SLC37A1: variants seen among roughly 807,000 people sequenced by gnomAD.
The protein encoded by SLC37A1 is glucose-6-phosphate exchanger SLC37A1.
Under a neutral mutation model 75.3 loss-of-function variants are expected in SLC37A1, and 49 were observed. The ratio of observed to expected loss-of-function variants is 0.65; its 90% CI spans 0.52 to 0.83. SLC37A1 has a LOEUF of 0.83. Among genes scored for constraint, SLC37A1 ranks in the 40% least tolerant of loss-of-function variants. The pLI is 0.00. For missense variants in SLC37A1, 566 were observed against 695.0 expected (o/e 0.81, Z 2.09); for synonymous variants, 268 against 292.1 (o/e 0.92, Z 0.84).
chr21:42,562,122 C>T lies in SLC37A1; in HGVS notation c.1026C>T (p.Val342=). 6.2e-7 allele frequency: 1 copy of T among 1,614,212 alleles called. No homozygotes were observed. Among genetic ancestry groups the T allele is most frequent in the African/African-American group, 1.3e-5 (1 of 75,048 alleles). ...FSLCLLFAKL[V]SYTFLFWLPL... ...TGTGTCTGCTGTTTGCCAAGCTGGT[C>T]AGCTATACTTTCCTCTTCTGGCTGC... Residue 342 remains valine (V), a synonymous_variant, in exon 12 of 20, where the codon GTC becomes GTT. Transcript: ENST00000352133.
intron 9 of SLC37A1, among the ~76,000 whole-genome samples, chr21:42,551,826 TTGTTTTG>T: frequency 1.4e-5 from 2 of 146,956 alleles, no homozygotes; most frequent in African/African-American, 5.1e-5. Context: ...TTGTTTTGTT[TTGTTTTG>T]TTTTTTTGGT....
Position 42,534,742 on chromosome 21 carries a change from C to G in SLC37A1, c.183C>G (p.Val61=), listed in dbSNP as rs917521338. The G allele has an allele frequency of 6.2e-7, 1 of 1,614,022 alleles. No individual in the cohort carries two copies. The highest frequency in any genetic ancestry group is 1.3e-5 in the African/African-American group (1 of 75,036). Residue 61 remains valine (V), a synonymous_variant, in exon 4 of 20, where the codon GTC becomes GTG. Coordinates refer to ENST00000352133, the MANE Select transcript of SLC37A1 (RefSeq NM_001320537.2). Reference sequence around the variant, plus strand: ...GCACTGCTTGGGATGAAGCTGACGTCAGGTTCAGCAGCCAGAACAGGAAGT... The same window carrying G: ...GCACTGCTTGGGATGAAGCTGACGTGAGGTTCAGCAGCCAGAACAGGAAGT... ...KYCTAWDEAD[V]RFSSQNRKSG...
At chr21:42,561,979 G>A in intron 11 of SLC37A1, 99 bp from the exon 12 acceptor site, 2 of 953,608 alleles carry the variant, frequency 2.1e-6, no homozygotes, top group Non-Finnish European at 3.4e-6. Context: ...GAGACAGGAT[G>A]TCTTTATGGG....
chr21:42,568,700 G>A (rs1206493239), intron 17 of SLC37A1, among the ~76,000 whole-genome samples: 1 of 152,194 alleles, frequency 6.6e-6, no homozygotes, highest in African/African-American at 2.4e-5. Context: ...ACTACAGCCC[G>A]TGGGCTAACT....
At chr21:42,563,319 G>A (rs17115129) in intron 12 of SLC37A1, among the ~76,000 whole-genome samples, 11,615 of 152,248 alleles carry the variant, frequency 0.076, 1,321 homozygotes, top group African/African-American at 0.25. Context: ...ATTCGGAACG[G>A]CTGGGTTTGA....
At chr21:42,550,076 A>T (rs892502001) in intron 9 of SLC37A1, among the ~76,000 whole-genome samples, 1 of 152,256 alleles carries the variant, frequency 6.6e-6, no homozygotes, top group African/African-American at 2.4e-5. Context: ...TTTCCAAAAT[A>T]TAAGGACTCT....
chr21:42,563,798 C>G lies in SLC37A1; in HGVS notation c.1073-17C>G, dbSNP rs373033650. On this transcript the variant is annotated splice_polypyrimidine_tract_variant and intron_variant, in intron 12 of 19. Coordinates refer to ENST00000352133, the MANE Select transcript of SLC37A1 (RefSeq NM_001320537.2). ...AGGAGATCCTCACTGTTTCACACTCCGTTGTCATTTCAATAGATCACCTTG... is the reference window on the plus strand; with the variant it reads ...AGGAGATCCTCACTGTTTCACACTCGGTTGTCATTTCAATAGATCACCTTG... 19 of 1,613,674 alleles carry G rather than the reference C, an allele frequency of 1.2e-5. No individual in the cohort carries two copies. In the African/African-American group the frequency reaches 2.0e-4, roughly 17 times the overall value.
chr21:42,564,891 T>G, intron 14 of SLC37A1, 98 bp downstream of exon 14: 1 of 1,175,416 alleles, frequency 8.5e-7, no homozygotes, highest in East Asian at 2.5e-5. Flanking sequence ...CGTGCTCCAC[T>G]TTCCTGACAA....
At chr21:42,532,050 T>G (rs895333213) in intron 3 of SLC37A1, among the ~76,000 whole-genome samples, 1 of 152,126 alleles carries the variant, frequency 6.6e-6, no homozygotes, top group Admixed American at 6.5e-5. Flanking sequence ...ACAGGCATTG[T>G]CATGCCAACT....
intron 4 of SLC37A1, among the ~76,000 whole-genome samples, chr21:42,535,058 AT>A (rs1228953688): frequency 6.6e-6 from 1 of 152,208 alleles, no homozygotes; most frequent in Non-Finnish European, 1.5e-5. Context: ...GCTGAAGATC[AT>A]TTGCATTTTG....
At chr21:42,565,304 AG>A (rs917740110) in intron 14 of SLC37A1, among the ~76,000 whole-genome samples, 114 of 152,384 alleles carry the variant, frequency 7.5e-4, no homozygotes, top group African/African-American at 2.7e-3. Flanking sequence ...GTAACATTAG[AG>A]GTAACAGGCT....
rs771252056 is a variant in SLC37A1 at position 42,565,795 on chromosome 21, A to C, written c.1222-32A>C. On this transcript the variant is annotated intron_variant, in intron 14 of 19. Coordinates refer to ENST00000352133, the MANE Select transcript of SLC37A1 (RefSeq NM_001320537.2). ...AATCTCGCACTGCTTGCAGCCAGCC[A>C]TGGCTTTGACCTTGTGTCTTGATGT... is the stretch of plus-strand genomic sequence containing the variant. 2.5e-6 allele frequency: 4 copies of C among 1,607,026 alleles called. No individual in the cohort carries two copies. The East Asian group carries it at 6.7e-5, about 27-fold the overall frequency.
chr21:42,561,876 G>A, intron 11 of SLC37A1: 1 of 532,838 alleles, frequency 1.9e-6, no homozygotes, highest in Admixed American at 3.1e-5. Flanking sequence ...CCCTGCTCGG[G>A]GTGAGCGCTC....
At chr21:42,578,148 T>TG in intron 18 of SLC37A1, among the ~76,000 whole-genome samples, 1 of 152,298 alleles carries the variant, frequency 6.6e-6, no homozygotes. Context: ...GCAGGTGTCC[T>TG]GGGGGGCCAG....
At chr21:42,507,401 T>C (rs1404649468) in intron 2 of SLC37A1, among the ~76,000 whole-genome samples, 1 of 152,100 alleles carries the variant, frequency 6.6e-6, no homozygotes, top group Non-Finnish European at 1.5e-5. Context: ...CTGCCTAAAC[T>C]GTCAGCCTGT....
chr21:42,505,699 G>A (rs1208377256), intron 2 of SLC37A1, among the ~76,000 whole-genome samples: 1 of 152,224 alleles, frequency 6.6e-6, no homozygotes, highest in Non-Finnish European at 1.5e-5. Flanking sequence ...ACATTGGCTT[G>A]TGAAAATTAC....
At chr21:42,580,240 G>C (rs1412279825) in intron 19 of SLC37A1, 105 bp from the exon 20 acceptor site, 2 of 1,341,128 alleles carry the variant, frequency 1.5e-6, no homozygotes, top group Admixed American at 2.0e-5. Flanking sequence ...GGCCGGGAGG[G>C]CAGCTGGCTC....
chr21:42,548,043 C>A lies in SLC37A1; in HGVS notation c.768+903C>A, dbSNP rs1218125316. On this transcript the variant is annotated intron_variant, in intron 9 of 19. Coordinates refer to ENST00000352133, the MANE Select transcript of SLC37A1 (RefSeq NM_001320537.2). The surrounding 1 kb of genome is among the most constrained non-coding windows in gnomAD (Gnocchi z 5.6). ...GCTTCCCTCCCTCTGGGGGTCAGCTCTCTTCCCTCCCTCTGGGAAAGGCTC... is the reference window on the plus strand; with the variant it reads ...GCTTCCCTCCCTCTGGGGGTCAGCTATCTTCCCTCCCTCTGGGAAAGGCTC... Among the ~76,000 whole-genome samples the A allele has an allele frequency of 6.6e-6, 1 of 152,164 alleles. No homozygotes were observed. Among genetic ancestry groups the A allele is most frequent in the Admixed American group, 6.5e-5 (1 of 15,284 alleles).
rs778390837 is a variant in SLC37A1 at position 42,543,496 on chromosome 21, A to G, written c.624A>G (p.Ser208=). ...CCTCCGTGGGCAACATCTTGGGGTC[A>G]TTGATCGCTGGCTACTGGGTGTCCA... ...SHTSVGNILG[S]LIAGYWVSTC... The change falls in exon 8 of 20, where the codon TCA becomes TCG. Residue 208 remains serine, a synonymous_variant. Transcript: ENST00000352133. 14 of 1,614,102 alleles carry G rather than the reference A, an allele frequency of 8.7e-6. No individual in the cohort carries two copies. In the Admixed American group the frequency reaches 1.7e-4, roughly 19 times the overall value.
Sources: gnomAD v4.1 joint callset for allele counts (sites outside exome capture counted in the v4.1 genomes callset) on GRCh38, gnomAD v4.1.1 for gene constraint, Gnocchi (gnomAD v3.1) non-coding constraint, MANE v1.5 for transcripts, NCBI Gene and HGNC (gene_info 2026-07-23, HGNC 2026-07-21) for gene names.